The following SORL1 variants were observed in gnomAD, a reference collection of about 807,000 sequenced individuals.
The protein encoded by SORL1 is sortilin related receptor 1.
A neutral mutation model predicts 273.7 loss-of-function variants in SORL1; 127 were observed. The ratio of observed to expected loss-of-function variants is 0.46; its 90% CI spans 0.40 to 0.54. SORL1 has a LOEUF of 0.54. Among genes scored for constraint, SORL1 ranks in the 20% least tolerant of loss-of-function variants. SORL1 has a pLI of 0.00. For missense variants in SORL1, 2,494 were observed against 2,846.1 expected (o/e 0.88, Z 2.81); for synonymous variants, 1,031 against 1,067.4 (o/e 0.97, Z 0.66).
intron 19 of SORL1, 103 bp downstream of exon 19, chr11:121,557,508 G>A: frequency 1.1e-6 from 1 of 913,168 alleles, no homozygotes; most frequent in Middle Eastern, 2.2e-4. Flanking sequence ...TTCTCATGAT[G>A]GTGGTTGAAA....
intron 43 of SORL1, 42 bp downstream of exon 43, chr11:121,619,959 C>G (rs1591356817): frequency 6.4e-7 from 1 of 1,553,872 alleles, no homozygotes; most frequent in East Asian, 2.2e-5. Context: ...TTATTCCTGG[C>G]CTGGTTAGGG....
intron 24 of SORL1, 74 bp downstream of exon 24, chr11:121,574,437 G>A: frequency 7.2e-7 from 1 of 1,391,952 alleles, no homozygotes; most frequent in South Asian, 1.2e-5. Context: ...GGCTGTACTG[G>A]TATGTACTGG....
In SORL1 at chr11:121,627,802, A is replaced by T. The variant is rs777074834; in HGVS notation, c.6577+35A>T. ...GCAGGGAGAGTCGGTTCTTCCTCCC[A>T]GGGCTGACCCCCACGCAGCCAATGA... On this transcript the variant is annotated intron_variant, in intron 47 of 47. Transcript: ENST00000260197. This position sits in a 1 kb window ranked among gnomAD's most constrained non-coding sequence, Gnocchi z 4.9. 51 of 1,506,902 alleles carry T rather than the reference A, an allele frequency of 3.4e-5. No individual in the cohort carries two copies. The highest frequency in any genetic ancestry group is 4.6e-5 in the Non-Finnish European group (50 of 1,091,488). 93.3% of individuals were successfully genotyped at this position (1,506,902 alleles called of 1,614,324 possible).
intron 6 of SORL1, among the ~76,000 whole-genome samples, chr11:121,503,397 T>C (rs565081318): frequency 6.6e-6 from 1 of 152,272 alleles, no homozygotes; most frequent in East Asian, 1.9e-4. Context: ...GGATAACCAG[T>C]TGTCCCACCA....
rs901666303 is a variant in SORL1, at chr11:121,609,857, CTA to C, written c.5240-1217_5240-1216del. 26 of 152,286 alleles carry C rather than the reference CTA, an allele frequency of 1.7e-4. 1 individual carries two copies. The highest frequency in any genetic ancestry group is 1.4e-3 in the Admixed American group (21 of 15,290). The allele number at this position is 152,286 out of a possible 1,614,324, so 9.4% of individuals were successfully genotyped here. A position where few individuals can be genotyped will look rare whatever the true frequency, so the allele number is the denominator to read the frequency against. On this transcript the variant is annotated intron_variant, in intron 38 of 47. Transcript: ENST00000260197. ...GATCCCTTATTAATCCTTATGAATC[CTA>C]TGAGATAAGTATCCTTATCCTCATT...
chr11:121,581,437 C>T (rs548398187), intron 25 of SORL1, among the ~76,000 whole-genome samples: 17 of 152,132 alleles, frequency 1.1e-4, no homozygotes, highest in East Asian at 1.9e-4. Flanking sequence ...GTTTACCACA[C>T]GAACTTCACC....
At chr11:121,463,649 A>G (rs1014852893) in intron 1 of SORL1, among the ~76,000 whole-genome samples, 6 of 152,174 alleles carry the variant, frequency 3.9e-5, no homozygotes, top group African/African-American at 1.4e-4. Context: ...TCATCTGGAA[A>G]ATGGGCAGCC....
chr11:121,500,500 C>T (rs1352886392), intron 6 of SORL1, among the ~76,000 whole-genome samples: 1 of 152,222 alleles, frequency 6.6e-6, no homozygotes, highest in East Asian at 1.9e-4. Context: ...TTTACTGGGA[C>T]ACAGCCATGC....
At chr11:121,488,881 CG>C (rs1565312870) in intron 4 of SORL1, among the ~76,000 whole-genome samples, 3 of 152,188 alleles carry the variant, frequency 2.0e-5, no homozygotes, top group Admixed American at 6.5e-5. Context: ...AACCTTGGAA[CG>C]TTTTTTTGCA....
At chr11:121,531,600 T>G (rs573236481) in intron 11 of SORL1, among the ~76,000 whole-genome samples, 1 of 152,338 alleles carries the variant, frequency 6.6e-6, no homozygotes, top group South Asian at 2.1e-4. Flanking sequence ...TGTCTCAGCA[T>G]GTAATCAGCC....
At chr11:121,470,237 G>A in intron 2 of SORL1, 114 bp downstream of exon 2, 2 of 757,312 alleles carry the variant, frequency 2.6e-6, no homozygotes, top group Non-Finnish European at 4.9e-6. Context: ...TGGAATGGAT[G>A]AATTGTATGA....
At chr11:121,523,088 GGCAGA>G in intron 11 of SORL1, 99 bp downstream of exon 11, 1 of 815,428 alleles carries the variant, frequency 1.2e-6, no homozygotes, top group Non-Finnish European at 2.1e-6. Context: ...AATGGTCCAT[GGCAGA>G]GACCAGTAAT....
At chr11:121,586,615 G>T (rs1863114395) in intron 27 of SORL1, among the ~76,000 whole-genome samples, 1 of 133,478 alleles carries the variant, frequency 7.5e-6, no homozygotes, top group Non-Finnish European at 1.5e-5. Flanking sequence ...TCTATTAATT[G>T]ACCAGTTGTT....
intron 3 of SORL1, 135 bp from the exon 4 acceptor site, chr11:121,487,897 T>A (rs1861497542): frequency 1.2e-6 from 1 of 813,630 alleles, no homozygotes; most frequent in Admixed American, 2.3e-5. Context: ...GGAAGCCCTG[T>A]AAGGCTGTGG....
intron 12 of SORL1, among the ~76,000 whole-genome samples, chr11:121,535,552 G>T (rs1199280084): frequency 1.3e-5 from 2 of 152,186 alleles, no homozygotes; most frequent in African/African-American, 4.8e-5. Flanking sequence ...TTGAAAGAGG[G>T]CTTTCTGCTC....
chr11:121,494,158 A>C (rs2134819445), intron 5 of SORL1, among the ~76,000 whole-genome samples: 1 of 152,292 alleles, frequency 6.6e-6, no homozygotes, highest in Middle Eastern at 3.4e-3. Flanking sequence ...ACAATTTAGA[A>C]ATTTTAAGTT....
intron 37 of SORL1, among the ~76,000 whole-genome samples, 158 bp downstream of exon 37, chr11:121,607,448 C>T (rs965373383): frequency 1.3e-5 from 2 of 152,204 alleles, no homozygotes; most frequent in African/African-American, 4.8e-5. Context: ...CTCAGAGTTT[C>T]TTTCAGTCTC....
At chr11:121,506,739 A>T (rs965321066) in intron 6 of SORL1, among the ~76,000 whole-genome samples, 3 of 152,158 alleles carry the variant, frequency 2.0e-5, no homozygotes, top group African/African-American at 7.2e-5. Flanking sequence ...CAGGTCTTTT[A>T]TGCATTCTTT....
chr11:121,480,041 C>T (rs373207460), intron 3 of SORL1, among the ~76,000 whole-genome samples: 4 of 152,286 alleles, frequency 2.6e-5, no homozygotes, highest in Admixed American at 1.3e-4. Flanking sequence ...TTGGCTCCTC[C>T]GTGAGGTGAG....
Sources: gnomAD v4.1 joint callset for allele counts (sites outside exome capture counted in the v4.1 genomes callset) on GRCh38, gnomAD v4.1.1 for gene constraint, Gnocchi (gnomAD v3.1) non-coding constraint, MANE v1.5 for transcripts, NCBI Gene and HGNC (gene_info 2026-07-23, HGNC 2026-07-21) for gene names.